DDHD2: variants seen among roughly 807,000 people sequenced by gnomAD.
The protein encoded by DDHD2 is triacylglycerol hydrolase DDHD2.
DDHD2 carries 62 observed loss-of-function variants against 91.2 expected under a neutral mutation model. The ratio of observed to expected loss-of-function variants is 0.68; its 90% confidence interval spans 0.55 to 0.84. DDHD2 has a LOEUF of 0.84. Ranked by LOEUF, DDHD2 falls within the 40% of genes least tolerant of loss-of-function variation. DDHD2 has a pLI of 0.00. For synonymous variants in DDHD2, 271 were observed against 293.9 expected (o/e 0.92, Z 0.80); for missense variants, 740 against 846.9 (o/e 0.87, Z 1.57).
chr8:38,239,925 G>A (rs893029716), intron 5 of DDHD2, among the ~76,000 whole-genome samples: 3 of 151,284 alleles, frequency 2.0e-5, no homozygotes, highest in East Asian at 2.0e-4. Context: ...AAGTTTCACC[G>A]TGTTGGTCAG....
At chr8:38,239,935 G>C (rs192488085) in intron 5 of DDHD2, among the ~76,000 whole-genome samples, 10 of 151,714 alleles carry the variant, frequency 6.6e-5, no homozygotes, top group Admixed American at 2.0e-4. Context: ...GTGTTGGTCA[G>C]GCTGGTCTCG....
Position 38,245,725 on chromosome 8 carries a change from A to G in DDHD2, c.849-17A>G. 1 of 1,611,470 alleles carries G rather than the reference A, an allele frequency of 6.2e-7. No individual in the cohort carries two copies. The highest frequency in any genetic ancestry group is 8.5e-7 in the Non-Finnish European group (1 of 1,178,660). ...TGTATTTAGGTTTCCTGCTTATATT[A>G]TTTTTCCTTTTTTCAGAGATCTGCA... On this transcript the variant is annotated splice_polypyrimidine_tract_variant and intron_variant, in intron 7 of 17. Transcript: ENST00000397166.
intron 1 of DDHD2, chr8:38,232,221 C>T (rs1342918394): frequency 1.3e-5 from 2 of 153,150 alleles, no homozygotes; most frequent in African/African-American, 4.8e-5. Flanking sequence ...GCGAGATGCC[C>T]TCCTGCCCCC....
intron 7 of DDHD2, among the ~76,000 whole-genome samples, chr8:38,244,270 A>G (rs1805456406): frequency 7.3e-6 from 1 of 137,178 alleles, no homozygotes; most frequent in Non-Finnish European, 1.6e-5. Context: ...TTTATTTTTT[A>G]TTTTATTTTT....
chr8:38,249,205 C>T (rs544994827), intron 10 of DDHD2, among the ~76,000 whole-genome samples: 194 of 151,750 alleles, frequency 1.3e-3, no homozygotes, highest in Non-Finnish European at 1.9e-3. Flanking sequence ...CTCTGCCTTC[C>T]GGGTTCACGC....
intron 5 of DDHD2, 45 bp from the exon 6 acceptor site, chr8:38,240,230 A>T: frequency 8.5e-7 from 1 of 1,175,886 alleles, no homozygotes; most frequent in Non-Finnish European, 1.2e-6. Flanking sequence ...ATTAGAATAC[A>T]TGACTAATTA....
intron 3 of DDHD2, among the ~76,000 whole-genome samples, chr8:38,235,452 TGGC>T (rs1045013367): frequency 1.1e-4 from 17 of 151,788 alleles, no homozygotes; most frequent in African/African-American, 4.1e-4. Flanking sequence ...CCGGGCCTGG[TGGC>T]TCACGCCTGT....
chr8:38,245,136 A>G (rs530142143), intron 7 of DDHD2, among the ~76,000 whole-genome samples: 1 of 152,136 alleles, frequency 6.6e-6, no homozygotes, highest in East Asian at 1.9e-4. Context: ...GTCTTTTATT[A>G]TAAGTCTCTC....
Position 38,251,915 on chromosome 8 carries a change from A to T in DDHD2, c.1348A>T (p.Ile450Phe). Reference protein sequence around the residue: ...YFSTRKNSMGIKRPAPQPASG... With the variant: ...YFSTRKNSMGFKRPAPQPASG... Reference sequence around the variant, plus strand: ...ATAACTATTTTTTATTCTTTAGGGTATTAAGAGACCAGCCCCGCAGCCTGC... The same window carrying T: ...ATAACTATTTTTTATTCTTTAGGGTTTTAAGAGACCAGCCCCGCAGCCTGC... The change falls in exon 12 of 18, where the codon ATT (isoleucine) becomes TTT (phenylalanine). Residue 450 changes from isoleucine (I) to phenylalanine (F), a missense_variant. Physicochemically the swap from Ile to Phe is conservative, Grantham distance 21 (BLOSUM62 0). This residue lies in a region of DDHD2 where 693 missense variants were observed against 764.2 expected (regional missense o/e 0.91). Transcript: ENST00000397166. The T allele has an allele frequency of 6.2e-7, 1 of 1,612,094 alleles. No individual in the cohort carries two copies. The highest frequency in any genetic ancestry group is 8.5e-7 in the Non-Finnish European group (1 of 1,178,188).
intron 1 of DDHD2, chr8:38,271,087 A>G (rs1395571782): frequency 6.6e-6 from 1 of 152,196 alleles, no homozygotes. Flanking sequence ...AATGTACATA[A>G]AAAGTATTTG....
intron 1 of DDHD2, among the ~76,000 whole-genome samples, chr8:38,232,466 T>G (rs1445685937): frequency 1.3e-5 from 2 of 152,268 alleles, no homozygotes; most frequent in Non-Finnish European, 2.9e-5. Flanking sequence ...CCACCACCCA[T>G]TAAGCGACTT....
chr8:38,246,201 A>G, intron 8 of DDHD2, 32 bp from the exon 9 acceptor site: 1 of 1,505,458 alleles, frequency 6.6e-7, no homozygotes, highest in South Asian at 1.1e-5. Flanking sequence ...GCTAATGCTT[A>G]GAAATTGTCC....
At chr8:38,248,944 C>CA (rs35672008) in intron 10 of DDHD2, among the ~76,000 whole-genome samples, 4,813 of 53,254 alleles carry the variant, frequency 0.09, 331 homozygotes, top group African/African-American at 0.23. Context: ...GACTCCATCT[C>CA]AAAAAAAAAA....
intron 7 of DDHD2, 49 bp from the exon 8 acceptor site, chr8:38,245,692 CT>C: frequency 6.7e-7 from 1 of 1,487,268 alleles, no homozygotes; most frequent in Middle Eastern, 1.7e-4. Flanking sequence ...TTGGAAGCAG[CT>C]ATTAAGTGTA....
At chr8:38,236,064 G>C (rs762650725) in intron 3 of DDHD2, among the ~76,000 whole-genome samples, 1 of 152,212 alleles carries the variant, frequency 6.6e-6, no homozygotes, top group South Asian at 2.1e-4. Flanking sequence ...CCAGGCTGGA[G>C]TGCAGTGGCA....
chr8:38,272,390 GATTAGAC>G (rs1808503427), downstream of DDHD2: 1 of 152,310 alleles, frequency 6.6e-6, no homozygotes, highest in South Asian at 2.1e-4. Context: ...ATCTCTCCCT[GATTAGAC>G]ATTAAAGAGG....
intron 15 of DDHD2, 90 bp from the exon 16 acceptor site, chr8:38,253,466 C>A: frequency 8.7e-7 from 1 of 1,149,338 alleles, no homozygotes; most frequent in Non-Finnish European, 1.2e-6. Flanking sequence ...AGCTCATTCT[C>A]TGGTAAACTT....
chr8:38,251,802 G>A (rs1193391926), intron 11 of DDHD2, 110 bp from the exon 12 acceptor site: 4 of 693,862 alleles, frequency 5.8e-6, no homozygotes, highest in Non-Finnish European at 9.9e-6. Context: ...TTGAACTCTT[G>A]GGCTTAAACA....
rs1806976380 is a variant in DDHD2 at position 38,260,983 on chromosome 8, T to A, written c.*410T>A. 6.6e-6 allele frequency: 1 copy of A among 152,190 alleles called. No individual in the cohort carries two copies. 9.4% of individuals were successfully genotyped at this position (152,190 alleles called of 1,614,324 possible). ...TGCTTATCTTTAGAAAATGTTCTAG[T>A]TTGGAAACAGATTCTTGAGATTCAG... On this transcript the variant is annotated 3_prime_UTR_variant, in exon 18 of 18. Coordinates refer to ENST00000397166, the MANE Select transcript of DDHD2 (RefSeq NM_015214.3).
Sources: gnomAD v4.1 joint callset for allele counts (sites outside exome capture counted in the v4.1 genomes callset) on GRCh38, gnomAD v4.1.1 for gene constraint, gnomAD v4.1.1 regional missense constraint, MANE v1.5 for transcripts, NCBI Gene and HGNC (gene_info 2026-07-23, HGNC 2026-07-21) for gene names.